SLC26A9: variants seen among roughly 807,000 people sequenced by gnomAD.
SLC26A9 encodes solute carrier family 26 member 9, also known as anion transporter/exchanger protein 9.
SLC26A9 carries 46 observed loss-of-function variants against 87.1 expected under a neutral mutation model. That is an observed-to-expected ratio of 0.53 (90% confidence interval 0.42 to 0.67). The LOEUF (loss-of-function observed/expected upper bound fraction) is 0.67, where lower values mean the gene tolerates loss of function less well. SLC26A9 is among the 30% of genes least tolerant of loss of function. The probability of loss-of-function intolerance (pLI) is 0.00; values close to 1 mark genes in which losing one functional copy is unlikely to be tolerated. For missense variants in SLC26A9, 927 were observed against 1,018.3 expected (o/e 0.91, Z 1.22); for synonymous variants, 437 against 409.1 (o/e 1.07, Z -0.82).
chr1:205,919,782 C>T (rs1040615152), intron 18 of SLC26A9, among the ~76,000 whole-genome samples: 1 of 152,128 alleles, frequency 6.6e-6, no homozygotes, highest in Non-Finnish European at 1.5e-5. Context: ...ATGCCTATAT[C>T]GATTCACAGA....
chr1:205,915,435 G>A lies in SLC26A9; in HGVS notation c.2329-31C>T, dbSNP rs780188285. On this transcript the variant is annotated intron_variant, in intron 20 of 20. Transcript: ENST00000367135. ...GGAACCACAGGAAGGAAGTGGGAGG[G>A]GAAGAGAGAGGTTAGACCAGTTGGG... The A allele has an allele frequency of 7.4e-6, 12 of 1,613,664 alleles. No homozygotes were observed. The South Asian group carries it at 1.3e-4, about 18-fold the overall frequency.
chr1:205,917,564 C>A (rs142113122), intron 19 of SLC26A9, among the ~76,000 whole-genome samples: 1 of 152,268 alleles, frequency 6.6e-6, no homozygotes, highest in East Asian at 1.9e-4. Context: ...GTATCGCGGT[C>A]TTCCCTCCTT....
At chr1:205,937,729 C>T (rs1351234532) in intron 1 of SLC26A9, among the ~76,000 whole-genome samples, 1 of 152,164 alleles carries the variant, frequency 6.6e-6, no homozygotes, top group East Asian at 1.9e-4. Context: ...CCACCTGCTC[C>T]AGAGTCTGCA....
chr1:205,939,535 C>T (rs1327054609), intron 1 of SLC26A9, among the ~76,000 whole-genome samples: 1 of 152,104 alleles, frequency 6.6e-6, no homozygotes, highest in Non-Finnish European at 1.5e-5. Context: ...TTCCTAATTC[C>T]AAGAATAGGG....
chr1:205,924,086 G>A (rs1270005948), intron 13 of SLC26A9, among the ~76,000 whole-genome samples: 1 of 152,182 alleles, frequency 6.6e-6, no homozygotes, highest in African/African-American at 2.4e-5. Flanking sequence ...TTGGAAGGAT[G>A]TTGAATCTCA....
chr1:205,928,160 T>C, intron 8 of SLC26A9, 111 bp from the exon 9 acceptor site: 1 of 1,296,932 alleles, frequency 7.7e-7, no homozygotes, highest in Middle Eastern at 2.4e-4. Flanking sequence ...TGCCGGGATC[T>C]TTGCCTAAGT....
At position 205,928,854 on chromosome 1, in the gene SLC26A9, A is replaced by G. The variant is rs143942129; in HGVS notation, c.926T>C (p.Met309Thr). 1.8e-4 allele frequency: 286 copies of G among 1,614,002 alleles called. No individual in the cohort carries two copies. Among genetic ancestry groups the G allele is most frequent in the Non-Finnish European group, 2.2e-4 (263 of 1,180,030 alleles). Residue 309 changes from methionine to threonine, a missense_variant, in exon 8 of 21, where the codon ATG becomes ACG. Met to Thr is a moderately conservative substitution (Grantham distance 81). Coordinates refer to ENST00000367135, the MANE Select transcript of SLC26A9 (RefSeq NM_052934.4). ...GCGTTGGATTTCTCCCACGATCTGCATGTGATACTTTTTGGGCATCTTACA... is the reference window on the plus strand; with the variant it reads ...GCGTTGGATTTCTCCCACGATCTGCGTGTGATACTTTTTGGGCATCTTACA... ...GGCKMPKKYH[M>T]QIVGEIQRGF...
intron 12 of SLC26A9, among the ~76,000 whole-genome samples, chr1:205,926,090 C>A (rs1291708571): frequency 6.6e-6 from 1 of 152,072 alleles, no homozygotes; most frequent in Non-Finnish European, 1.5e-5. Flanking sequence ...AGATTTTGGT[C>A]CTCTGGCTTT....
rs752695149 is a variant in SLC26A9 at position 205,923,387 on chromosome 1, G to C, written c.1607C>G (p.Ser536Cys). The change falls in exon 15 of 21, where the codon TCC becomes TGC. Residue 536 changes from serine (S) to cysteine (C), a missense_variant. Physicochemically the swap from Ser to Cys is moderately radical, Grantham distance 112. Coordinates refer to ENST00000367135, the MANE Select transcript of SLC26A9 (RefSeq NM_052934.4). The part of the protein sequence containing the change: ...IQGIKIITYC[S>C]PLYFANSEIF... ...CTCTGAGTTGGCAAAGTAGAGAGGG[G>C]AGCAGTACGTGATGATTTTAATCCC... The C allele has an allele frequency of 1.9e-6, 3 of 1,614,208 alleles. No individual in the cohort carries two copies. The highest frequency in any genetic ancestry group is 2.7e-5 in the African/African-American group (2 of 75,050).
rs142375896 is a variant in SLC26A9, at chr1:205,927,267, G to A, written c.1237C>T (p.Leu413=). 6.2e-7 allele frequency: 1 copy of A among 1,614,192 alleles called. No homozygotes were observed. The highest frequency in any genetic ancestry group is 8.5e-7 in the Non-Finnish European group (1 of 1,180,020). The change falls in exon 11 of 21, where the codon CTG becomes TTG. Residue 413 remains leucine (L), a synonymous_variant. Transcript: ENST00000367135. ...ACCAGCATGGTGATCATCACCACCA[G>A]AGACACACACAGGCTGGCCACCTAT... ...KSQVASLCVS[L]VVMITMLVLG...
At chr1:205,917,223 G>T in intron 20 of SLC26A9, 60 bp downstream of exon 20, 1 of 1,572,062 alleles carries the variant, frequency 6.4e-7, no homozygotes, top group South Asian at 1.1e-5. Flanking sequence ...ATTTGACAGC[G>T]ACCCCATCCT....
intron 1 of SLC26A9, among the ~76,000 whole-genome samples, chr1:205,938,200 C>A (rs9438441): frequency 0.13 from 18,974 of 151,574 alleles, 1,997 homozygotes; most frequent in East Asian, 0.63. Context: ...CTCTCCCTAC[C>A]CCTCAGCCTC....
chr1:205,928,918 C>T lies in SLC26A9; in HGVS notation c.871-9G>A, dbSNP rs1415697555. 4 of 1,614,092 alleles carry T rather than the reference C, an allele frequency of 2.5e-6. No homozygotes were observed. Among genetic ancestry groups the T allele is most frequent in the Non-Finnish European group, 3.4e-6 (4 of 1,180,000 alleles). On this transcript the variant is annotated splice_polypyrimidine_tract_variant and intron_variant, in intron 7 of 20. Coordinates refer to ENST00000367135, the MANE Select transcript of SLC26A9 (RefSeq NM_052934.4). ...GCTGTTGCCACCACCACCTGCAAACCCCAGAGTGGAGAATGGGGATTGGCC... is the reference window on the plus strand; with the variant it reads ...GCTGTTGCCACCACCACCTGCAAACTCCAGAGTGGAGAATGGGGATTGGCC...
chr1:205,937,759 G>T (rs1417049660), intron 1 of SLC26A9, among the ~76,000 whole-genome samples: 2 of 152,170 alleles, frequency 1.3e-5, no homozygotes, highest in Non-Finnish European at 2.9e-5. Flanking sequence ...CTGTCCAGGT[G>T]GTTTGCCTGC....
intron 20 of SLC26A9, among the ~76,000 whole-genome samples, chr1:205,916,729 A>G (rs16830364): frequency 0.099 from 15,085 of 152,204 alleles, 926 homozygotes; most frequent in African/African-American, 0.17. Flanking sequence ...GTGTTGGAGA[A>G]TAAGAATAGA....
rs1212085511 is a variant in SLC26A9, at chr1:205,914,722, T to TG, written c.*634dup. On this transcript the variant is annotated 3_prime_UTR_variant, in exon 21 of 21. Transcript: ENST00000367135. ...CCAGGCTAGAGTCTGATGTGCTTGC[T>TG]GACAGCAGTGGTGGTTTGGGCAGCC... The TG allele has an allele frequency of 1.3e-6, 1 of 773,564 alleles. No homozygotes were observed. Among genetic ancestry groups the TG allele is most frequent in the Non-Finnish European group, 2.0e-6 (1 of 490,578 alleles). The allele number at this position is 773,564 out of a possible 1,614,324, so 47.9% of individuals were successfully genotyped here. A position where few individuals can be genotyped will look rare whatever the true frequency, so the allele number is the denominator to read the frequency against.
At chr1:205,929,068 C>A in intron 7 of SLC26A9, 136 bp downstream of exon 7, 3 of 1,463,698 alleles carry the variant, frequency 2.0e-6, no homozygotes, top group South Asian at 1.3e-5. Context: ...ACGCCACATA[C>A]GGGGGATGGG....
intron 10 of SLC26A9, 59 bp from the exon 11 acceptor site, chr1:205,927,347 C>T (rs7366204): frequency 0.9 from 1,437,870 of 1,598,396 alleles, 647,190 homozygotes; most frequent in Admixed American, 0.93. Flanking sequence ...TCTTGATTTA[C>T]TTCCAATCCA....
intron 12 of SLC26A9, 103 bp downstream of exon 12, chr1:205,926,432 C>T: frequency 1.1e-6 from 1 of 934,900 alleles, no homozygotes; most frequent in East Asian, 2.4e-5. Context: ...AATTAGGAAG[C>T]AGCAGACTAG....
Sources: allele counts gnomAD v4.1 joint callset (sites outside exome capture counted in the v4.1 genomes callset), GRCh38; gene constraint gnomAD v4.1.1; transcripts MANE v1.5; gene names NCBI Gene and HGNC (gene_info 2026-07-23, HGNC 2026-07-21).